The following MYH14 variants were observed in gnomAD, a reference collection of about 807,000 sequenced individuals.
The protein encoded by MYH14 is myosin-14.
A neutral mutation model predicts 255.5 loss-of-function variants in MYH14; 123 were observed. That is an observed-to-expected ratio of 0.48 (90% CI 0.42 to 0.56). MYH14 has a LOEUF of 0.56. MYH14 is among the 20% of genes least tolerant of loss of function. The pLI is 0.00. For missense variants in MYH14, 2,423 were observed against 2,802.3 expected (o/e 0.86, Z 3.06); for synonymous variants, 1,095 against 1,161.2 (o/e 0.94, Z 1.16).
chr19:50,250,577 C>G lies in MYH14; in HGVS notation c.1719C>G (p.Asp573Glu). 1 of 1,614,056 alleles carries G rather than the reference C, an allele frequency of 6.2e-7. No individual in the cohort carries two copies. Among genetic ancestry groups the G allele is most frequent in the Non-Finnish European group, 8.5e-7 (1 of 1,179,970 alleles). ...DEECWFPKATDKSFVEKVAQE... is the reference protein window; with the variant it reads ...DEECWFPKATEKSFVEKVAQE... ...AGTGCTGGTTCCCGAAGGCCACAGA[C>G]AAGTCGTTTGTGGAGAAGGTAGCCC... Residue 573 changes from aspartate to glutamate, a missense_variant, in exon 15 of 43, where the codon GAC (aspartate) becomes GAG (glutamate). Coordinates refer to ENST00000642316, the MANE Select transcript of MYH14 (RefSeq NM_001145809.2). The surrounding 1 kb of genome is among the most constrained non-coding windows in gnomAD (Gnocchi z 5.4).
At chr19:50,268,125 T>G (rs2035156985) in intron 23 of MYH14, 36 bp from the exon 24 acceptor site, 1 of 1,528,032 alleles carries the variant, frequency 6.5e-7, no homozygotes, top group African/African-American at 1.4e-5. Context: ...CTGGGAGCAC[T>G]GCCTGCTGAC....
intron 40 of MYH14, among the ~76,000 whole-genome samples, chr19:50,302,607 AAAAG>A (rs1487793808): frequency 6.7e-6 from 1 of 150,338 alleles, no homozygotes; most frequent in Non-Finnish European, 1.5e-5. Flanking sequence ...AGAAAAAAAG[AAAAG>A]AAAAAGATGC....
intron 33 of MYH14, chr19:50,286,006 G>C (rs144880079): frequency 6.6e-6 from 1 of 152,462 alleles, no homozygotes; most frequent in African/African-American, 2.4e-5. Flanking sequence ...TATCTGTCTC[G>C]TTCTGAAACT....
At chr19:50,207,271 CAGAGAG>C (rs764396652) in intron 1 of MYH14, among the ~76,000 whole-genome samples, 2,433 of 76,794 alleles carry the variant, frequency 0.032, 103 homozygotes, top group African/African-American at 0.087. Context: ...GAGAGAGAGA[CAGAGAG>C]AGAGAGAGAG....
chr19:50,232,146 A>G lies in MYH14; in HGVS notation c.1114+76A>G, dbSNP rs952127790. ...TGGGGACCTGGCCATTCATGCCCCG[A>G]TCTCTTTGAGCAAGTGTTTATTGAG... On this transcript the variant is annotated intron_variant, in intron 10 of 42. Coordinates refer to ENST00000642316, the MANE Select transcript of MYH14 (RefSeq NM_001145809.2). 30 of 1,571,190 alleles carry G rather than the reference A, an allele frequency of 1.9e-5. No individual in the cohort carries two copies. In the African/African-American group the frequency reaches 4.0e-4, roughly 21 times the overall value.
intron 14 of MYH14, 32 bp downstream of exon 14, chr19:50,249,855 A>G (rs2034296796): frequency 6.2e-7 from 1 of 1,612,030 alleles, no homozygotes; most frequent in Non-Finnish European, 8.5e-7. Flanking sequence ...GCCCACACTC[A>G]CGGTTCAGAT....
chr19:50,233,766 G>T, intron 10 of MYH14, among the ~76,000 whole-genome samples: 1 of 151,564 alleles, frequency 6.6e-6, no homozygotes, highest in East Asian at 1.9e-4. Context: ...TCACATGGCG[G>T]CTCCCTGTGT....
rs377519378 is a variant in MYH14 at position 50,257,416 on chromosome 19, G to A, written c.2162G>A (p.Arg721His). The change falls in exon 18 of 43, where the codon CGC (arginine) becomes CAC (histidine). Residue 721 changes from arginine to histidine, a missense_variant. Coordinates refer to ENST00000642316, the MANE Select transcript of MYH14 (RefSeq NM_001145809.2). ...VGQLYKESLS[R>H]LMATLSNTNP... is the part of the protein sequence containing the mutation. Reference sequence around the variant, plus strand: ...CAGCTCTACAAGGAGTCCCTGAGCCGCCTCATGGCCACACTCAGCAACACC... The same window carrying A: ...CAGCTCTACAAGGAGTCCCTGAGCCACCTCATGGCCACACTCAGCAACACC... The A allele has an allele frequency of 3.7e-5, 60 of 1,607,606 alleles. No homozygotes were observed. Among genetic ancestry groups the A allele is most frequent in the African/African-American group, 1.3e-4 (10 of 74,824 alleles).
intron 15 of MYH14, among the ~76,000 whole-genome samples, chr19:50,251,567 C>CAT (rs1568500704): frequency 2.5e-5 from 3 of 118,420 alleles, no homozygotes; most frequent in African/African-American, 9.7e-5. Context: ...CACACACACA[C>CAT]ACATATATAT....
At chr19:50,282,010 C>T (rs943748076) in intron 33 of MYH14, among the ~76,000 whole-genome samples, 168 bp downstream of exon 33, 3 of 152,208 alleles carry the variant, frequency 2.0e-5, no homozygotes, top group African/African-American at 4.8e-5. Flanking sequence ...ATAGGACATC[C>T]CTCTGTCCTG....
At position 50,276,126 on chromosome 19, in the gene MYH14, C is replaced by T. The variant is rs757735473; in HGVS notation, c.3603C>T (p.Asp1201=). Residue 1201 remains aspartate (D), a synonymous_variant, in exon 28 of 43, where the codon GAC becomes GAT. Coordinates refer to ENST00000642316, the MANE Select transcript of MYH14 (RefSeq NM_001145809.2). The surrounding 1 kb of genome is among the most constrained non-coding windows in gnomAD (Gnocchi z 4.3). ...ARTKAEKQRR[D]LGEELEALRG... ...CCAAGGCGGAGAAGCAGCGCCGGGA[C>T]CTGGGCGAGGAGCTGGAGGCGCTGC... 1.6e-5 allele frequency: 26 copies of T among 1,594,572 alleles called. No homozygotes were observed. Among genetic ancestry groups the T allele is most frequent in the Middle Eastern group, 1.9e-4 (1 of 5,188 alleles).
rs34796700 is a variant in MYH14, at chr19:50,217,683, T to C, written c.474T>C (p.Ile158=). The change falls in exon 3 of 43, where the codon ATT becomes ATC. Residue 158 remains isoleucine, a synonymous_variant. Coordinates refer to ENST00000642316, the MANE Select transcript of MYH14 (RefSeq NM_001145809.2). ...YKQLPIYTEA[I]VEMYRGKKRH... The stretch of plus-strand genomic sequence containing the variant: ...AGCTTCCCATCTACACAGAAGCCAT[T>C]GTGGAGATGTACCGGGGCAAGAAGC... 65,248 of 1,613,974 alleles carry C rather than the reference T, an allele frequency of 0.04. 1,582 individuals are homozygous for C. The highest frequency in any genetic ancestry group is 0.048 in the Non-Finnish European group (56,754 of 1,179,882).
chr19:50,247,266 G>A, intron 12 of MYH14, 144 bp downstream of exon 12: 1 of 623,602 alleles, frequency 1.6e-6, no homozygotes, highest in East Asian at 2.8e-5. Flanking sequence ...CTAGGTGCCA[G>A]GCGTAAAAGC....
intron 33 of MYH14, among the ~76,000 whole-genome samples, chr19:50,283,282 G>A (rs2035785621): frequency 6.6e-6 from 1 of 152,100 alleles, no homozygotes; most frequent in Non-Finnish European, 1.5e-5. Context: ...ACCATGCCTG[G>A]CTAATTTTTG....
Position 50,280,802 on chromosome 19 carries a change from C to G in MYH14, c.4290+419C>G, listed in dbSNP as rs373557021. 1.1e-3 allele frequency among the ~76,000 whole-genome samples: 175 copies of G among 152,364 alleles called. No individual in the cohort carries two copies. The highest frequency in any genetic ancestry group is 4.1e-3 in the African/African-American group (172 of 41,584). The stretch of plus-strand genomic sequence containing the variant: ...CTAGACAAAGTCCATGCCTCTCAGT[C>G]AGGCATTGAGGCCCTGCAATCTCTG... On this transcript the variant is annotated intron_variant, in intron 32 of 42. Transcript: ENST00000642316. This position sits in a 1 kb window ranked among gnomAD's most constrained non-coding sequence, Gnocchi z 4.8.
rs1220922200 is a variant in MYH14, at chr19:50,292,371, G to C, written c.5238G>C (p.Glu1746Asp). The part of the protein sequence containing the change: ...SEKRLKGLEA[E>D]VLRLQEELAA... ...AGCGCCTCAAGGGCCTGGAGGCTGA[G>C]GTGCTGCGGCTGCAGGAGGTGAGGC... The change falls in exon 37 of 43, where the codon GAG becomes GAC. Residue 1746 changes from glutamate to aspartate, a missense_variant. Glu to Asp is a conservative substitution (Grantham distance 45). This residue lies in a region of MYH14 where 1,513 missense variants were observed against 1,674.8 expected (regional missense o/e 0.90). Coordinates refer to ENST00000642316, the MANE Select transcript of MYH14 (RefSeq NM_001145809.2). 2 of 1,587,760 alleles carry C rather than the reference G, an allele frequency of 1.3e-6. No homozygotes were observed. The highest frequency in any genetic ancestry group is 8.6e-7 in the Non-Finnish European group (1 of 1,167,840).
At position 50,252,795 on chromosome 19, in the gene MYH14, C is replaced by T. The variant is rs577213998; in HGVS notation, c.1945+42C>T. ...CCCACCCCGGCTCTAGGGGTCTGTG[C>T]GGCCATTCTCCAAATCCACAGCGTG... On this transcript the variant is annotated intron_variant, in intron 16 of 42. Transcript: ENST00000642316. This position sits in a 1 kb window ranked among gnomAD's most constrained non-coding sequence, Gnocchi z 4.2. The T allele has an allele frequency of 7.1e-5, 98 of 1,388,970 alleles. 1 individual carries two copies. The highest frequency in any genetic ancestry group is 5.4e-4 in the Middle Eastern group (3 of 5,600). 86.0% of individuals were successfully genotyped at this position (1,388,970 alleles called of 1,614,324 possible).
intron 39 of MYH14, among the ~76,000 whole-genome samples, chr19:50,298,301 G>A (rs2036350793): frequency 1.3e-5 from 2 of 152,088 alleles, no homozygotes; most frequent in South Asian, 2.1e-4. Context: ...GGGGGCAGGA[G>A]GAGGTTAGAG....
rs2036756107 is a variant in MYH14, at chr19:50,309,139, C to T, written c.5922C>T (p.Ser1974=). Residue 1974 remains serine, a synonymous_variant, in exon 42 of 43, where the codon TCC becomes TCT. Coordinates refer to ENST00000642316, the MANE Select transcript of MYH14 (RefSeq NM_001145809.2). ...ELEDVTESAE[S]MNREVTTLRN... Reference sequence around the variant, plus strand: ...AAGATGTCACAGAGTCGGCCGAGTCCATGAACCGTGAAGTGACCACACTGA... The same window carrying T: ...AAGATGTCACAGAGTCGGCCGAGTCTATGAACCGTGAAGTGACCACACTGA... 6.2e-7 allele frequency: 1 copy of T among 1,613,774 alleles called. No individual in the cohort carries two copies. The highest frequency in any genetic ancestry group is 8.5e-7 in the Non-Finnish European group (1 of 1,179,840).
Sources: allele counts gnomAD v4.1 joint callset (sites outside exome capture counted in the v4.1 genomes callset), GRCh38; gene constraint gnomAD v4.1.1; regional missense constraint gnomAD v4.1.1; non-coding constraint Gnocchi (gnomAD v3.1); transcripts MANE v1.5; gene names NCBI Gene and HGNC (gene_info 2026-07-23, HGNC 2026-07-21).